Variants in PLD1 observed in about 807,000 individuals in gnomAD.
The protein encoded by PLD1 is choline phosphatase 1.
In PLD1, 112 loss-of-function variants were observed where a neutral mutation model predicts 137.1. The ratio of observed to expected loss-of-function variants is 0.82; its 90% CI spans 0.70 to 0.96. PLD1 has a LOEUF of 0.96. Among genes scored for constraint, PLD1 ranks in the 40% least tolerant of loss-of-function variants. The pLI is 0.00. For missense variants in PLD1, 1,321 were observed against 1,342.0 expected, an observed-to-expected ratio of 0.98 and a Z score of 0.24; for synonymous variants, 431 against 454.7, an observed-to-expected ratio of 0.95 and a Z score of 0.66.
In PLD1 at chr3:171,699,772, C is replaced by A; in HGVS notation, c.1200G>T (p.Arg400Ser). ...KRPVVEGNRW[R>S]LDCILKRKAQ... is the part of the protein sequence containing the mutation. The stretch of plus-strand genomic sequence containing the variant: ...CTTTTCGTTTAAGAATGCAGTCCAA[C>A]CTCCAACGATTTCCCTCAACCACTG... Residue 400 changes from arginine to serine, a missense_variant, in exon 12 of 27, where the codon AGG becomes AGT. Arg to Ser is a moderately radical substitution (Grantham distance 110). Transcript: ENST00000351298. 6.2e-7 allele frequency: 1 copy of A among 1,613,846 alleles called. No individual in the cohort carries two copies. The highest frequency in any genetic ancestry group is 8.5e-7 in the Non-Finnish European group (1 of 1,179,762).
chr3:171,764,681 G>A (rs1721682136), intron 1 of PLD1, among the ~76,000 whole-genome samples: 1 of 151,654 alleles, frequency 6.6e-6, no homozygotes, highest in Non-Finnish European at 1.5e-5. Context: ...GGACACTGTT[G>A]GGAAGATGGG....
At chr3:171,618,858 C>CGTGTGTGT (rs139135798) in intron 24 of PLD1, among the ~76,000 whole-genome samples, 4,790 of 135,552 alleles carry the variant, frequency 0.035, 326 homozygotes, top group African/African-American at 0.12. Flanking sequence ...AGTGTGTGTG[C>CGTGTGTGT]GTGTGTGTGT....
chr3:171,625,010 T>A (rs1281150940), intron 23 of PLD1, among the ~76,000 whole-genome samples: 1 of 151,990 alleles, frequency 6.6e-6, no homozygotes, highest in Non-Finnish European at 1.5e-5. Flanking sequence ...TGTATAGTTC[T>A]GGCTATTGGA....
In PLD1 at chr3:171,677,662, C is replaced by T; in HGVS notation, c.1900G>A (p.Val634Met). 6.2e-7 allele frequency: 1 copy of T among 1,614,092 alleles called. No homozygotes were observed. The highest frequency in any genetic ancestry group is 8.5e-7 in the Non-Finnish European group (1 of 1,179,958). ...TGSIRSLQTGVGELHGETRFW... is the reference protein window; with the variant it reads ...TGSIRSLQTGMGELHGETRFW... Reference sequence around the variant, plus strand: ...CTGGTTTCCCCATGCAGCTCTCCCACACCTGTCTGTAAACTACGGATGGAC... The same window carrying T: ...CTGGTTTCCCCATGCAGCTCTCCCATACCTGTCTGTAAACTACGGATGGAC... Residue 634 changes from valine to methionine, a missense_variant, in exon 17 of 27, where the codon GTG (valine) becomes ATG (methionine). Coordinates refer to ENST00000351298, the MANE Select transcript of PLD1 (RefSeq NM_002662.5).
At chr3:171,693,969 T>C (rs1715450720) in intron 12 of PLD1, among the ~76,000 whole-genome samples, 1 of 152,154 alleles carries the variant, frequency 6.6e-6, no homozygotes, top group Non-Finnish European at 1.5e-5. Flanking sequence ...GTTTTTAGAT[T>C]CTAGATCACA....
At chr3:171,702,167 A>T (rs1036837654) in intron 11 of PLD1, among the ~76,000 whole-genome samples, 7 of 152,186 alleles carry the variant, frequency 4.6e-5, no homozygotes, top group African/African-American at 1.7e-4. Flanking sequence ...AAAATTTGTG[A>T]ACTTCTAGCA....
intron 22 of PLD1, among the ~76,000 whole-genome samples, chr3:171,644,295 A>T (rs1395955871): frequency 6.6e-6 from 1 of 152,188 alleles, no homozygotes; most frequent in African/African-American, 2.4e-5. Flanking sequence ...AGCACTTTCC[A>T]GCCCTTTTCA....
At chr3:171,617,084 C>CA (rs1211274666) in intron 24 of PLD1, among the ~76,000 whole-genome samples, 1 of 151,894 alleles carries the variant, frequency 6.6e-6, no homozygotes, top group Admixed American at 6.6e-5. Context: ...AAAACAAAAC[C>CA]AAAAAAACCC....
chr3:171,632,617 A>G (rs1734766668), intron 23 of PLD1, among the ~76,000 whole-genome samples: 1 of 152,104 alleles, frequency 6.6e-6, no homozygotes, highest in South Asian at 2.1e-4. Context: ...ACATCTATAT[A>G]TGAATGTATC....
chr3:171,798,183 C>T (rs1194998495), intron 1 of PLD1, among the ~76,000 whole-genome samples: 1 of 152,116 alleles, frequency 6.6e-6, no homozygotes, highest in Non-Finnish European at 1.5e-5. Flanking sequence ...CTGTGGGATA[C>T]AGAACTAAAT....
chr3:171,806,517 T>A (rs1311459598), intron 1 of PLD1, among the ~76,000 whole-genome samples: 1 of 152,240 alleles, frequency 6.6e-6, no homozygotes, highest in African/African-American at 2.4e-5. Flanking sequence ...CAAATACATT[T>A]TATTTTGTGG....
intron 21 of PLD1, among the ~76,000 whole-genome samples, chr3:171,647,105 T>C (rs1266331374): frequency 6.6e-6 from 1 of 152,234 alleles, no homozygotes; most frequent in Admixed American, 6.5e-5. Flanking sequence ...ATCTGCTCTC[T>C]AGGCTATGTG....
At chr3:171,658,411 T>C (rs978473984) in intron 21 of PLD1, among the ~76,000 whole-genome samples, 3 of 152,136 alleles carry the variant, frequency 2.0e-5, no homozygotes, top group African/African-American at 7.2e-5. Context: ...CAAATGTCCA[T>C]CAACTAATGA....
chr3:171,713,249 C>A (rs908747801), intron 9 of PLD1, among the ~76,000 whole-genome samples: 2 of 152,200 alleles, frequency 1.3e-5, no homozygotes, highest in Non-Finnish European at 2.9e-5. Flanking sequence ...CACTTGAGGT[C>A]AGGAGTTCGA....
rs768512768 is a variant in PLD1 at position 171,662,163 on chromosome 3, C to T, written c.2237G>A (p.Arg746His). 13 of 1,601,256 alleles carry T rather than the reference C, an allele frequency of 8.1e-6. No individual in the cohort carries two copies. Among genetic ancestry groups the T allele is most frequent in the African/African-American group, 2.7e-5 (2 of 74,602 alleles). The change falls in exon 20 of 27, where the codon CGC (arginine) becomes CAC (histidine). Residue 746 changes from arginine (R) to histidine (H), a missense_variant. Arg to His is a conservative substitution (Grantham distance 29). Coordinates refer to ENST00000351298, the MANE Select transcript of PLD1 (RefSeq NM_002662.5). ...GSVHANVQLL[R>H]SAADWSAGIK... ...ACCAGCAGACCAATCAGCAGCAGAGCGGAGCAACTACAAGGCAGCAATCAG... is the reference window on the plus strand; with the variant it reads ...ACCAGCAGACCAATCAGCAGCAGAGTGGAGCAACTACAAGGCAGCAATCAG...
chr3:171,694,392 A>G (rs1348853074), intron 12 of PLD1, among the ~76,000 whole-genome samples: 1 of 152,186 alleles, frequency 6.6e-6, no homozygotes, highest in African/African-American at 2.4e-5. Context: ...ATAGGCAGAA[A>G]GTGAACAGAT....
At chr3:171,669,793 A>C (rs1394063880) in intron 19 of PLD1, among the ~76,000 whole-genome samples, 1 of 152,240 alleles carries the variant, frequency 6.6e-6, no homozygotes, top group Non-Finnish European at 1.5e-5. Context: ...TGCATGGATT[A>C]ATTTAACCAT....
chr3:171,680,898 C>G (rs1384286880), intron 16 of PLD1, among the ~76,000 whole-genome samples: 1 of 152,230 alleles, frequency 6.6e-6, no homozygotes, highest in Admixed American at 6.5e-5. Context: ...AACTCACTGA[C>G]ACAACCTTGT....
intron 6 of PLD1, among the ~76,000 whole-genome samples, chr3:171,727,840 C>T (rs1033246234): frequency 6.6e-6 from 1 of 152,128 alleles, no homozygotes; most frequent in Non-Finnish European, 1.5e-5. Context: ...AAAAAAATTA[C>T]AAATATCTCA....
Sources: gnomAD v4.1 joint callset for allele counts (sites outside exome capture counted in the v4.1 genomes callset) on GRCh38, gnomAD v4.1.1 for gene constraint, MANE v1.5 for transcripts, NCBI Gene and HGNC (gene_info 2026-07-23, HGNC 2026-07-21) for gene names.